ZNF799: variants seen among roughly 807,000 people sequenced by gnomAD.
ZNF799 encodes the protein zinc finger protein 14.
ZNF799 carries 28 observed loss-of-function variants against 41.0 expected under a neutral mutation model. The observed-to-expected ratio is 0.68, with a 90% CI of 0.51 to 0.94. The LOEUF (loss-of-function observed/expected upper bound fraction) is 0.94, where lower values mean the gene tolerates loss of function less well. Ranked by LOEUF, ZNF799 falls within the 40% of genes least tolerant of loss-of-function variation. ZNF799 has a pLI of 0.00. For missense variants in ZNF799, 716 were observed against 764.3 expected, an observed-to-expected ratio of 0.94 and a Z score of 0.74; for synonymous variants, 213 against 252.9, an observed-to-expected ratio of 0.84 and a Z score of 1.50.
intron 1 of ZNF799, among the ~76,000 whole-genome samples, chr19:12,398,608 C>A (rs966666529): frequency 6.6e-5 from 10 of 152,270 alleles, no homozygotes; most frequent in Admixed American, 4.6e-4. Flanking sequence ...AAAGTCCTGT[C>A]CCACAGAATT....
the ZNF799 span, among the ~76,000 whole-genome samples, chr19:12,407,480 AG>A: frequency 1.1e-4 from 17 of 151,592 alleles, no homozygotes; most frequent in African/African-American, 3.4e-4. Flanking sequence ...AAAGAGAGAG[AG>A]AGAGAAAAAA....
Position 12,390,618 on chromosome 19 carries a change from C to T in ZNF799, c.1780G>A (p.Gly594Arg), listed in dbSNP as rs745815358. 2 of 1,613,842 alleles carry T rather than the reference C, an allele frequency of 1.2e-6. No individual in the cohort carries two copies. The highest frequency in any genetic ancestry group is 1.1e-5 in the South Asian group (1 of 91,048). The change falls in exon 4 of 4, where the codon GGG becomes AGG. Residue 594 changes from glycine to arginine, a missense_variant. Physicochemically the swap from Gly to Arg is moderately radical, Grantham distance 125. Around this residue, in one of 2 missense-constraint regions of ZNF799, gnomAD observed 698 missense variants for 713.6 expected, o/e 0.98. Coordinates refer to ENST00000430385, the MANE Select transcript of ZNF799 (RefSeq NM_001080821.3). Reference protein sequence around the residue: ...GENPYECKECGKAFASLSSLH... With the variant: ...GENPYECKECRKAFASLSSLH... ...GAACTGAGAGAAGCAAATGCTTTCC[C>T]ACATTCCTTACATTCATACGGGTTC...
chr19:12,404,275 A>G (rs1970015828), upstream of ZNF799, among the ~76,000 whole-genome samples: 1 of 152,174 alleles, frequency 6.6e-6, no homozygotes, highest in African/African-American at 2.4e-5. Context: ...TTTGATCTAT[A>G]GTGTAGATTA....
the ZNF799 span, among the ~76,000 whole-genome samples, chr19:12,412,269 G>T: frequency 6.6e-6 from 1 of 152,132 alleles, no homozygotes; most frequent in African/African-American, 2.4e-5. Context: ...TTCAGCTCAT[G>T]AGTCCCCCTC....
At chr19:12,392,684 A>C (rs372121274) in intron 2 of ZNF799, 21 bp from the exon 3 acceptor site, 3 of 1,572,036 alleles carry the variant, frequency 1.9e-6, no homozygotes, top group Admixed American at 1.8e-5. Context: ...TACACAGAAA[A>C]ATCATTACAA....
At position 12,396,163 on chromosome 19, in the gene ZNF799, G is replaced by T. The variant is rs182935308; in HGVS notation, c.4-2740C>A. Among the ~76,000 whole-genome samples the T allele has an allele frequency of 5.3e-5, 8 of 152,282 alleles. No individual in the cohort carries two copies. In the East Asian group the frequency reaches 1.5e-3, roughly 29 times the overall value. Reference sequence around the variant, plus strand: ...AATTATGAAGAATACAGAAAAACATGAAAATATGGTTCATCAATTGGAAAA... The same window carrying T: ...AATTATGAAGAATACAGAAAAACATTAAAATATGGTTCATCAATTGGAAAA... On this transcript the variant is annotated intron_variant, in intron 1 of 3. Transcript: ENST00000430385.
chr19:12,392,047 G>T lies in ZNF799; in HGVS notation c.351C>A (p.Ser117=), dbSNP rs191693612. ...MSGEVIMGHS[S]LNCYIRVGAG... is the part of the protein sequence containing the mutation. ...CACCAACTCTGATGTAACAATTAAG[G>T]GATGAATGACCCATGATGACTTCTC... Residue 117 remains serine, a synonymous_variant, in exon 4 of 4, where the codon TCC becomes TCA. Transcript: ENST00000430385. 3 of 1,614,024 alleles carry T rather than the reference G, an allele frequency of 1.9e-6. No individual in the cohort carries two copies. The highest frequency in any genetic ancestry group is 1.3e-5 in the African/African-American group (1 of 74,916).
chr19:12,408,262 A>G, the ZNF799 span, among the ~76,000 whole-genome samples: 92 of 152,222 alleles, frequency 6.0e-4, no homozygotes, highest in Non-Finnish European at 1.2e-3. Flanking sequence ...TTCATTTCAC[A>G]TAGTAATAGA....
At chr19:12,412,786 T>C in the ZNF799 span, among the ~76,000 whole-genome samples, 1 of 152,054 alleles carries the variant, frequency 6.6e-6, no homozygotes, top group East Asian at 1.9e-4. Context: ...ACGCCTGTAA[T>C]CCTAGCACTT....
the ZNF799 span, among the ~76,000 whole-genome samples, chr19:12,411,543 A>G: frequency 2.0e-5 from 3 of 152,116 alleles, no homozygotes; most frequent in Non-Finnish European, 4.4e-5. Flanking sequence ...TAATCAACTC[A>G]CTATACACCT....
rs112501267 is a variant in ZNF799, at chr19:12,397,971, C to A, written c.3+3097G>T. On this transcript the variant is annotated intron_variant, in intron 1 of 3. Transcript: ENST00000430385. ...AGCCCTAATCAAAAGCCATATGGGG[C>A]TGGGCATGGTGGCTCATGCCTATAA... Among the ~76,000 whole-genome samples the A allele has an allele frequency of 4.5e-3, 680 of 152,246 alleles. 4 individuals carry two copies. The highest frequency in any genetic ancestry group is 0.01 in the Middle Eastern group (3 of 294).
chr19:12,412,772 G>T, the ZNF799 span, among the ~76,000 whole-genome samples: 1 of 151,962 alleles, frequency 6.6e-6, no homozygotes. Context: ...GGGGGTGGTG[G>T]TTCACGCCTG....
At chr19:12,407,487 A>G in the ZNF799 span, among the ~76,000 whole-genome samples, 58 of 152,042 alleles carry the variant, frequency 3.8e-4, no homozygotes, top group East Asian at 7.5e-3. Context: ...GAGAGAGAGA[A>G]AAAAAAAGAA....
At chr19:12,412,971 T>C in the ZNF799 span, among the ~76,000 whole-genome samples, 49,130 of 145,898 alleles carry the variant, frequency 0.34, 8,627 homozygotes, top group South Asian at 0.51. Context: ...GCAGAGGTGA[T>C]GGTGAGCGGA....
upstream of ZNF799, among the ~76,000 whole-genome samples, chr19:12,401,723 C>T (rs568478636): frequency 2.1e-4 from 32 of 151,200 alleles, no homozygotes; most frequent in East Asian, 9.8e-4. Flanking sequence ...TACAGGTGCG[C>T]GCCACCACAC....
At chr19:12,398,046 T>C (rs903250174) in intron 1 of ZNF799, 9 of 151,748 alleles carry the variant, frequency 5.9e-5, no homozygotes, top group African/African-American at 2.2e-4. Context: ...AGGTCAGGAG[T>C]TGGAGACCAG....
rs548600517 is a variant in ZNF799, at chr19:12,397,647, T to C, written c.3+3421A>G. On this transcript the variant is annotated intron_variant, in intron 1 of 3. Coordinates refer to ENST00000430385, the MANE Select transcript of ZNF799 (RefSeq NM_001080821.3). ...ACTATTAGAAGAAAATACAATCATA[T>C]AGACTCCTCAGTTAAAATAAAAGGA... Among the ~76,000 whole-genome samples the C allele has an allele frequency of 2.0e-5, 3 of 147,602 alleles. No homozygotes were observed. The East Asian group carries it at 6.0e-4, about 29-fold the overall frequency.
upstream of ZNF799, among the ~76,000 whole-genome samples, chr19:12,402,956 G>C (rs937476911): frequency 1.3e-5 from 2 of 152,232 alleles, no homozygotes; most frequent in Admixed American, 1.3e-4. Flanking sequence ...TGTAAAATAA[G>C]TTTGGAAGTA....
chr19:12,396,925 C>A (rs1371135120), intron 1 of ZNF799, among the ~76,000 whole-genome samples: 1 of 151,428 alleles, frequency 6.6e-6, no homozygotes, highest in East Asian at 1.9e-4. Context: ...TCAGATCATA[C>A]ACACACACAC....
Sources: allele counts gnomAD v4.1 joint callset (sites outside exome capture counted in the v4.1 genomes callset), GRCh38; gene constraint gnomAD v4.1.1; regional missense constraint gnomAD v4.1.1; transcripts MANE v1.5; gene names NCBI Gene and HGNC (gene_info 2026-07-23, HGNC 2026-07-21).